Variants in EML1 observed in about 807,000 individuals in gnomAD.
EML1 encodes EMAP like 1, also known as echinoderm microtubule-associated protein-like 1.
In EML1, 27 loss-of-function variants were observed where a neutral mutation model predicts 110.4. That is an observed-to-expected ratio of 0.24 (90% CI 0.18 to 0.34). EML1 has a LOEUF of 0.34. EML1 is among the 10% of genes least tolerant of loss of function. The pLI, the probability that EML1 is intolerant of heterozygous loss-of-function variation, is 1.00. For missense variants in EML1, 741 were observed against 1,030.9 expected, an observed-to-expected ratio of 0.72 and a Z score of 3.85; for synonymous variants, 344 against 385.8, an observed-to-expected ratio of 0.89 and a Z score of 1.27.
intron 1 of EML1, among the ~76,000 whole-genome samples, chr14:99,757,328 G>A (rs1252446004): frequency 6.8e-6 from 1 of 147,618 alleles, no homozygotes; most frequent in Non-Finnish European, 1.5e-5. Context: ...GACAGAGCAC[G>A]ACTCCATTTC....
At chr14:99,786,044 T>G (rs1424285904) in intron 1 of EML1, among the ~76,000 whole-genome samples, 1 of 122,908 alleles carries the variant, frequency 8.1e-6, no homozygotes, top group East Asian at 2.3e-4. Flanking sequence ...GAGCCTACAG[T>G]CCACACCCTG....
At chr14:99,913,497 T>C (rs554198919) in intron 13 of EML1, among the ~76,000 whole-genome samples, 1 of 152,264 alleles carries the variant, frequency 6.6e-6, no homozygotes, top group African/African-American at 2.4e-5. Flanking sequence ...ACTTTCTGAA[T>C]TGTATCTACT....
At chr14:99,829,995 T>C (rs1052560507) in intron 1 of EML1, among the ~76,000 whole-genome samples, 1 of 152,230 alleles carries the variant, frequency 6.6e-6, no homozygotes. Flanking sequence ...TTCAGTTCTA[T>C]TGCGTGTCTA....
intron 3 of EML1, among the ~76,000 whole-genome samples, chr14:99,873,334 A>G (rs969005984): frequency 1.3e-5 from 2 of 152,256 alleles, no homozygotes; most frequent in African/African-American, 4.8e-5. Context: ...AGTCCTTTGG[A>G]AAAATAGTTC....
At chr14:99,881,941 T>C (rs1216123130) in intron 4 of EML1, among the ~76,000 whole-genome samples, 1 of 152,212 alleles carries the variant, frequency 6.6e-6, no homozygotes, top group African/African-American at 2.4e-5. Context: ...CTTGCTCCCA[T>C]GTCTCATTTT....
intron 17 of EML1, among the ~76,000 whole-genome samples, chr14:99,934,291 A>G (rs1228696990): frequency 1.3e-5 from 2 of 152,230 alleles, no homozygotes; most frequent in Non-Finnish European, 2.9e-5. Context: ...AGCCGATGAC[A>G]GCCTGTCTCC....
intron 8 of EML1, among the ~76,000 whole-genome samples, chr14:99,899,046 C>A (rs996657516): frequency 1.3e-5 from 2 of 152,156 alleles, no homozygotes; most frequent in African/African-American, 2.4e-5. Flanking sequence ...TGTGCAGTCA[C>A]AAAAGCTACT....
At chr14:99,779,437 TC>T (rs2057516499) in intron 1 of EML1, among the ~76,000 whole-genome samples, 2 of 152,268 alleles carry the variant, frequency 1.3e-5, no homozygotes, top group Non-Finnish European at 2.9e-5. Context: ...GTTGTCTGTT[TC>T]CTCATATCCC....
chr14:99,889,347 A>G (rs778004293), intron 4 of EML1, among the ~76,000 whole-genome samples: 8 of 152,138 alleles, frequency 5.3e-5, no homozygotes, highest in Non-Finnish European at 1.0e-4. Flanking sequence ...AAGACGGAGA[A>G]CCAAGAGGAA....
intron 1 of EML1, among the ~76,000 whole-genome samples, chr14:99,754,141 C>T (rs2140177426): frequency 6.6e-6 from 1 of 152,368 alleles, no homozygotes; most frequent in East Asian, 1.9e-4. Flanking sequence ...GTGGCTCAAC[C>T]CTGGGTTGCG....
At chr14:99,907,519 T>C in intron 9 of EML1, 119 bp from the exon 10 acceptor site, 1 of 845,836 alleles carries the variant, frequency 1.2e-6, no homozygotes, top group Non-Finnish European at 1.8e-6. Flanking sequence ...TGGATGAGTA[T>C]TCTTTAACTA....
rs931363988 is a variant in EML1, at chr14:99,905,861, C to A, written c.1009-1777C>A. Among the ~76,000 whole-genome samples the A allele has an allele frequency of 4.6e-5, 7 of 152,142 alleles. No individual in the cohort carries two copies. The highest frequency in any genetic ancestry group is 1.7e-4 in the African/African-American group (7 of 41,420). ...CTTTTATTAAGAGGGGCCTTTAACC[C>A]ACTCTGTCTTAGGAGAGACTCCTAA... On this transcript the variant is annotated intron_variant, in intron 9 of 21. Transcript: ENST00000262233. The surrounding 1 kb of genome is among the most constrained non-coding windows in gnomAD (Gnocchi z 4.1).
chr14:99,941,949 C>T lies in EML1; in HGVS notation c.*1837C>T, dbSNP rs1221274466. 6.6e-6 allele frequency: 1 copy of T among 152,160 alleles called. No individual in the cohort carries two copies. Among genetic ancestry groups the T allele is most frequent in the Admixed American group, 6.5e-5 (1 of 15,270 alleles). The allele number at this position is 152,160 out of a possible 1,614,324, so 9.4% of individuals were successfully genotyped here. A position where few individuals can be genotyped will look rare whatever the true frequency, so the allele number is the denominator to read the frequency against. ...ACAAAGGATACAAACACACACACAT[C>T]TACTATTTTAGATAAATGTACTGTT... is the stretch of plus-strand genomic sequence containing the variant. On this transcript the variant is annotated 3_prime_UTR_variant, in exon 22 of 22. Coordinates refer to ENST00000262233, the MANE Select transcript of EML1 (RefSeq NM_004434.3).
At position 99,920,801 on chromosome 14, in the gene EML1, T is replaced by C; in HGVS notation, c.1833T>C (p.Phe611=). The change falls in exon 17 of 22, where the codon TTT becomes TTC. Residue 611 remains phenylalanine, a synonymous_variant. Coordinates refer to ENST00000262233, the MANE Select transcript of EML1 (RefSeq NM_004434.3). ...ATGTTGATAACAGGTGGTTTGTGTTTGACACAGAAACAAAAGACTTGGTCA... is the reference window on the plus strand; with the variant it reads ...ATGTTGATAACAGGTGGTTTGTGTTCGACACAGAAACAAAAGACTTGGTCA... ...VGTLTGRWFV[F]DTETKDLVTV... 6.2e-7 allele frequency: 1 copy of C among 1,613,402 alleles called. No homozygotes were observed. Among genetic ancestry groups the C allele is most frequent in the South Asian group, 1.1e-5 (1 of 90,808 alleles).
intron 17 of EML1, among the ~76,000 whole-genome samples, chr14:99,921,782 A>AC (rs1228435363): frequency 1.3e-5 from 2 of 152,214 alleles, no homozygotes; most frequent in African/African-American, 4.8e-5. Flanking sequence ...GAACCATTAT[A>AC]AATGTACAGC....
Position 99,940,498 on chromosome 14 carries a change from T to C in EML1, c.*386T>C, listed in dbSNP as rs1297161679. The stretch of plus-strand genomic sequence containing the variant: ...ACCATCTAGCTTGCTAAGTCAAATA[T>C]TTATGATGATAATGAGGTACTGAAC... On this transcript the variant is annotated 3_prime_UTR_variant, in exon 22 of 22. Coordinates refer to ENST00000262233, the MANE Select transcript of EML1 (RefSeq NM_004434.3). 1.3e-5 allele frequency: 2 copies of C among 155,964 alleles called. No homozygotes were observed. Among genetic ancestry groups the C allele is most frequent in the Non-Finnish European group, 2.8e-5 (2 of 70,736 alleles). The allele number at this position is 155,964 out of a possible 1,614,324, so 9.7% of individuals were successfully genotyped here.
In EML1 at chr14:99,936,454, G is replaced by C; in HGVS notation, c.2095+120G>C. ...ACTTAGGCACGTGCCATCATCTCTA[G>C]GTCATGGTTTCCGCCTCTGTAACGT... On this transcript the variant is annotated intron_variant, in intron 19 of 21. Coordinates refer to ENST00000262233, the MANE Select transcript of EML1 (RefSeq NM_004434.3). The surrounding 1 kb of genome is among the most constrained non-coding windows in gnomAD (Gnocchi z 5.5). The C allele has an allele frequency of 1.1e-6, 1 of 898,276 alleles. No homozygotes were observed. The highest frequency in any genetic ancestry group is 1.6e-5 in the South Asian group (1 of 63,214). 55.6% of individuals were successfully genotyped at this position (898,276 alleles called of 1,614,324 possible).
chr14:99,927,443 T>A (rs554731573), intron 17 of EML1, among the ~76,000 whole-genome samples: 1 of 152,322 alleles, frequency 6.6e-6, no homozygotes, highest in South Asian at 2.1e-4. Flanking sequence ...AAGCTGTATA[T>A]GTGTTGCTGT....
At chr14:99,859,711 G>A (rs978907363) in intron 2 of EML1, among the ~76,000 whole-genome samples, 8 of 151,720 alleles carry the variant, frequency 5.3e-5, no homozygotes, top group African/African-American at 1.5e-4. Context: ...TTTTGGGGGA[G>A]AATGTGCCTA....
Sources: gnomAD v4.1 joint callset for allele counts (sites outside exome capture counted in the v4.1 genomes callset) on GRCh38, gnomAD v4.1.1 for gene constraint, Gnocchi (gnomAD v3.1) non-coding constraint, MANE v1.5 for transcripts, NCBI Gene and HGNC (gene_info 2026-07-23, HGNC 2026-07-21) for gene names.